Variants in CRYBG1 observed in about 807,000 individuals in gnomAD.
CRYBG1 encodes beta/gamma crystallin domain-containing protein 1.
Under a neutral mutation model 189.2 loss-of-function variants are expected in CRYBG1, and 139 were observed. That is an observed-to-expected ratio of 0.73 (90% CI 0.64 to 0.85). The LOEUF (loss-of-function observed/expected upper bound fraction) is 0.85. Among genes scored for constraint, CRYBG1 ranks in the 40% least tolerant of loss-of-function variants. The probability of loss-of-function intolerance (pLI) is 0.00; values close to 1 mark genes in which losing one functional copy is unlikely to be tolerated. For missense variants in CRYBG1, 2,611 were observed against 2,675.8 expected (o/e 0.98, Z 0.53); for synonymous variants, 1,023 against 1,017.1 (o/e 1.01, Z -0.11).
At chr6:106,499,023 A>G (rs1451528318) in intron 2 of CRYBG1, among the ~76,000 whole-genome samples, 1 of 152,136 alleles carries the variant, frequency 6.6e-6, no homozygotes, top group Non-Finnish European at 1.5e-5. Flanking sequence ...ATATTTTGGG[A>G]TGAAAAAATT....
intron 8 of CRYBG1, among the ~76,000 whole-genome samples, chr6:106,533,822 C>T (rs890048324): frequency 2.0e-5 from 3 of 152,002 alleles, no homozygotes; most frequent in African/African-American, 7.3e-5. Flanking sequence ...AGTAAGTGGG[C>T]AAGAAGGTGA....
chr6:106,483,401 T>TATGTATATATATA, intron 2 of CRYBG1, among the ~76,000 whole-genome samples: 1 of 95,598 alleles, frequency 1.0e-5, no homozygotes, highest in African/African-American at 3.0e-5. Flanking sequence ...GATATATATA[T>TATGTATATATATA]AAAACATTTT....
intron 2 of CRYBG1, among the ~76,000 whole-genome samples, chr6:106,481,189 T>C (rs1268517952): frequency 1.6e-5 from 1 of 63,208 alleles, no homozygotes; most frequent in Non-Finnish European, 2.8e-5. Context: ...TTAGCCGGGA[T>C]GGTCTCGATC....
At position 106,553,010 on chromosome 6, in the gene CRYBG1, A is replaced by G. The variant is rs552600696; in HGVS notation, c.5473-445A>G. 4.6e-5 allele frequency among the ~76,000 whole-genome samples: 7 copies of G among 152,316 alleles called. No homozygotes were observed. The South Asian group carries it at 1.2e-3, about 27-fold the overall frequency. ...ACAGAGCCATAATTATAGAGGAACA[A>G]ACACCACTATAGCCTCCTTTATTGG... is the stretch of plus-strand genomic sequence containing the variant. On this transcript the variant is annotated intron_variant, in intron 15 of 21. Coordinates refer to ENST00000633556, the MANE Select transcript of CRYBG1 (RefSeq NM_001371242.2).
chr6:106,551,895 A>G lies in CRYBG1; in HGVS notation c.5356A>G (p.Ile1786Val), dbSNP rs1774412319. 1 of 1,612,020 alleles carries G rather than the reference A, an allele frequency of 6.2e-7. No individual in the cohort carries two copies. The highest frequency in any genetic ancestry group is 1.7e-5 in the Admixed American group (1 of 59,956). ...TCCTGACTTCACAGGAGAACAGTAT[A>G]TACTGGATAAAGGATTTTATACCAG... Reference protein sequence around the residue: ...ENPDFTGEQYILDKGFYTSFE... With the variant: ...ENPDFTGEQYVLDKGFYTSFE... The change falls in exon 14 of 22, where the codon ATA becomes GTA. Residue 1786 changes from isoleucine (I) to valine (V), a missense_variant. Physicochemically the swap from Ile to Val is conservative, Grantham distance 29. This residue lies in a region of CRYBG1 where 1,622 missense variants were observed against 1,735.0 expected (regional missense o/e 0.93). Transcript: ENST00000633556.
chr6:106,519,059 T>C (rs1582813139), intron 3 of CRYBG1, 72 bp from the exon 4 acceptor site: 3 of 1,479,788 alleles, frequency 2.0e-6, no homozygotes, highest in Non-Finnish European at 2.7e-6. Flanking sequence ...CATAGTTTTA[T>C]AATTAATTGG....
rs1431841889 is a variant in CRYBG1 at position 106,571,206 on chromosome 6, A to C, written c.*2640A>C. On this transcript the variant is annotated 3_prime_UTR_variant, in exon 22 of 22. Transcript: ENST00000633556. ...CAATATTAAGAGCATAAACAAATGA[A>C]TCACCAGGCAGATTTTTATATATGA... The C allele has an allele frequency of 6.6e-6, 1 of 152,240 alleles. No individual in the cohort carries two copies. The highest frequency in any genetic ancestry group is 1.5e-5 in the Non-Finnish European group (1 of 68,038). 9.4% of individuals were successfully genotyped at this position (152,240 alleles called of 1,614,324 possible).
intron 2 of CRYBG1, among the ~76,000 whole-genome samples, chr6:106,480,822 C>G (rs1242877583): frequency 1.3e-5 from 2 of 150,942 alleles, no homozygotes; most frequent in Non-Finnish European, 3.0e-5. Flanking sequence ...AAGCACAAAA[C>G]TTAGCCAGGA....
At chr6:106,441,888 TA>T (rs1363743494) in intron 1 of CRYBG1, among the ~76,000 whole-genome samples, 2 of 152,168 alleles carry the variant, frequency 1.3e-5, no homozygotes, top group Non-Finnish European at 2.9e-5. Context: ...CTAAAAAATA[TA>T]AGGAAATCTC....
chr6:106,513,709 C>T (rs774470198), intron 3 of CRYBG1, among the ~76,000 whole-genome samples: 2 of 152,178 alleles, frequency 1.3e-5, no homozygotes, highest in Non-Finnish European at 2.9e-5. Context: ...ATGAAAGCAG[C>T]TGTGACAGGT....
At chr6:106,422,579 C>T (rs1347616735) in intron 1 of CRYBG1, among the ~76,000 whole-genome samples, 1 of 70,086 alleles carries the variant, frequency 1.4e-5, no homozygotes, top group Non-Finnish European at 2.5e-5. Context: ...GTAATCCACC[C>T]CCCTCCCAGC....
At chr6:106,366,060 T>G (rs1454508176) in intron 1 of CRYBG1, among the ~76,000 whole-genome samples, 1 of 152,212 alleles carries the variant, frequency 6.6e-6, no homozygotes, top group Non-Finnish European at 1.5e-5. Flanking sequence ...TCTGGAGCGT[T>G]TTTCTTTTTT....
intron 9 of CRYBG1, 125 bp downstream of exon 9, chr6:106,539,654 A>G (rs1013765590): frequency 1.9e-5 from 19 of 1,010,240 alleles, no homozygotes; most frequent in Non-Finnish European, 2.5e-5. Flanking sequence ...GATTGGACCT[A>G]TTGCTCAATA....
chr6:106,492,992 A>G (rs1173395104), intron 2 of CRYBG1, among the ~76,000 whole-genome samples: 2 of 149,884 alleles, frequency 1.3e-5, no homozygotes, highest in East Asian at 3.9e-4. Flanking sequence ...TTTTACTTTT[A>G]GGAGAGCCTG....
chr6:106,530,179 T>C lies in CRYBG1; in HGVS notation c.4582T>C (p.Tyr1528His). 1 of 1,609,960 alleles carries C rather than the reference T, an allele frequency of 6.2e-7. No homozygotes were observed. The highest frequency in any genetic ancestry group is 8.5e-7 in the Non-Finnish European group (1 of 1,177,888). ...IGSIRHVVQD[Y>H]RVSHIDLFTE... is the part of the protein sequence containing the mutation. ...CTATGCATCTATATTTTTTCAGGAT[T>C]ACAGAGTTAGTCACATTGACTTATT... Residue 1528 changes from tyrosine to histidine, a missense_variant, in exon 8 of 22, where the codon TAC becomes CAC. Transcript: ENST00000633556.
intron 20 of CRYBG1, among the ~76,000 whole-genome samples, chr6:106,563,468 G>C (rs1774785313): frequency 1.3e-5 from 2 of 152,116 alleles, no homozygotes; most frequent in African/African-American, 4.8e-5. Context: ...GGAAAAATAT[G>C]ATGGGCAGTT....
chr6:106,384,246 G>T (rs1023761129), intron 1 of CRYBG1, among the ~76,000 whole-genome samples: 6 of 152,134 alleles, frequency 3.9e-5, no homozygotes, highest in African/African-American at 1.2e-4. Flanking sequence ...GGTAACTGAG[G>T]CCCTGTTCTT....
chr6:106,419,782 C>T (rs1771090939), intron 1 of CRYBG1, among the ~76,000 whole-genome samples: 1 of 152,208 alleles, frequency 6.6e-6, no homozygotes, highest in Non-Finnish European at 1.5e-5. Context: ...CTCCAGCAAG[C>T]TCCACTCTGA....
intron 2 of CRYBG1, among the ~76,000 whole-genome samples, chr6:106,498,360 C>G (rs1225143015): frequency 6.6e-6 from 1 of 152,166 alleles, no homozygotes; most frequent in Non-Finnish European, 1.5e-5. Flanking sequence ...CTGTTGGTCT[C>G]TCTGATCAGG....
Sources: gnomAD v4.1 joint callset for allele counts (sites outside exome capture counted in the v4.1 genomes callset) on GRCh38, gnomAD v4.1.1 for gene constraint, gnomAD v4.1.1 regional missense constraint, MANE v1.5 for transcripts, NCBI Gene and HGNC (gene_info 2026-07-23, HGNC 2026-07-21) for gene names.